The following PRUNE2 variants were observed in gnomAD, a reference collection of about 807,000 sequenced individuals.
PRUNE2 encodes the protein prune homolog 2 with BCH domain, also known as protein prune homolog 2.
A neutral mutation model predicts 252.0 loss-of-function variants in PRUNE2; 164 were observed. The observed-to-expected ratio is 0.65, with a 90% confidence interval of 0.57 to 0.74. The LOEUF (loss-of-function observed/expected upper bound fraction) is 0.74, where lower values mean the gene tolerates loss of function less well. Ranked by LOEUF, PRUNE2 falls within the 30% of genes least tolerant of loss-of-function variation. PRUNE2 has a pLI of 0.00. For synonymous variants in PRUNE2, 1,292 were observed against 1,350.2 expected (o/e 0.96, Z 0.94); for missense variants, 3,495 against 3,711.0 (o/e 0.94, Z 1.51).
Position 76,630,403 on chromosome 9 carries a change from A to G in PRUNE2, c.9051-1113T>C, listed in dbSNP as rs192072863. ...TTTAGAGATGTGTAAATGCACAGAG[A>G]ACAACTTGGAAGGATACCAATGAAA... On this transcript the variant is annotated intron_variant, in intron 15 of 18. Transcript: ENST00000376718. Among the ~76,000 whole-genome samples the G allele has an allele frequency of 1.2e-3, 185 of 152,292 alleles. 1 individual carries two copies. The highest frequency in any genetic ancestry group is 4.2e-3 in the African/African-American group (176 of 41,564).
At chr9:76,866,376 T>C (rs1222299347) in intron 1 of PRUNE2, among the ~76,000 whole-genome samples, 1 of 152,270 alleles carries the variant, frequency 6.6e-6, no homozygotes, top group Non-Finnish European at 1.5e-5. Flanking sequence ...TGATTTTACA[T>C]ACAGTGATTT....
intron 1 of PRUNE2, among the ~76,000 whole-genome samples, chr9:76,865,292 A>C (rs1437833007): frequency 6.6e-6 from 1 of 152,240 alleles, no homozygotes; most frequent in Non-Finnish European, 1.5e-5. Flanking sequence ...CAGGAGTTCG[A>C]GACCAGCCTG....
At chr9:76,694,159 CTGTTTTATT>C (rs1397100652) in intron 9 of PRUNE2, among the ~76,000 whole-genome samples, 2 of 151,958 alleles carry the variant, frequency 1.3e-5, no homozygotes, top group African/African-American at 4.8e-5. Flanking sequence ...GTAACTAATT[CTGTTTTATT>C]TGTTTTGTTT....
intron 1 of PRUNE2, among the ~76,000 whole-genome samples, chr9:76,865,955 C>A (rs1338911392): frequency 6.6e-6 from 1 of 152,100 alleles, no homozygotes; most frequent in East Asian, 1.9e-4. Context: ...TAAGTCATCA[C>A]ATATTTTCCT....
At chr9:76,664,764 C>T (rs368398337) in intron 9 of PRUNE2, among the ~76,000 whole-genome samples, 12 of 152,290 alleles carry the variant, frequency 7.9e-5, no homozygotes, top group African/African-American at 2.6e-4. Flanking sequence ...CCTCCCACTT[C>T]GGCCTCCCAA....
chr9:76,800,122 A>C (rs973744749), intron 6 of PRUNE2, among the ~76,000 whole-genome samples: 3 of 152,052 alleles, frequency 2.0e-5, no homozygotes, highest in Non-Finnish European at 4.4e-5. Flanking sequence ...ACACATGTAT[A>C]CATGTGCCAT....
chr9:76,674,601 G>T (rs1156492780), intron 9 of PRUNE2, among the ~76,000 whole-genome samples: 1 of 150,622 alleles, frequency 6.6e-6, no homozygotes, highest in South Asian at 2.1e-4. Context: ...AGCCCGCATC[G>T]CCAAGTCAAT....
Position 76,706,719 on chromosome 9 carries a change from C to T in PRUNE2, c.5555G>A (p.Ser1852Asn), listed in dbSNP as rs376543453. Reference protein sequence around the residue: ...SPFERELSDSSGVLEINSSVH... With the variant: ...SPFERELSDSNGVLEINSSVH... ...TGAAGAATTTATCTCCAACACACCACTGGAGTCAGACAGCTCCCTTTCAAA... is the reference window on the plus strand; with the variant it reads ...TGAAGAATTTATCTCCAACACACCATTGGAGTCAGACAGCTCCCTTTCAAA... Residue 1852 changes from serine (S) to asparagine (N), a missense_variant, in exon 8 of 19, where the codon AGT becomes AAT. Transcript: ENST00000376718. 8.1e-5 allele frequency: 131 copies of T among 1,613,262 alleles called. 1 individual carries two copies. The African/African-American group carries it at 8.9e-4, about 11-fold the overall frequency.
intron 9 of PRUNE2, among the ~76,000 whole-genome samples, chr9:76,673,922 T>A (rs1485846744): frequency 1.3e-5 from 2 of 152,030 alleles, no homozygotes; most frequent in Non-Finnish European, 2.9e-5. Context: ...ATAAGAGCTA[T>A]CTATGACAAA....
At chr9:76,792,949 T>A (rs534821562) in intron 6 of PRUNE2, among the ~76,000 whole-genome samples, 3 of 152,234 alleles carry the variant, frequency 2.0e-5, no homozygotes, top group Admixed American at 2.0e-4. Context: ...TTTTCTCTAA[T>A]GTCCTTGGTG....
In PRUNE2 at chr9:76,892,665, C is replaced by A. The variant is rs937341396; in HGVS notation, c.36+13263G>T. ...ATAAAAATTGGGGTTGCAAGATATA[C>A]AAATATCTTAAGTCCTGTGCACAAG... On this transcript the variant is annotated intron_variant, in intron 1 of 18. Coordinates refer to ENST00000376718, the MANE Select transcript of PRUNE2 (RefSeq NM_015225.3). Among the ~76,000 whole-genome samples the A allele has an allele frequency of 2.6e-5, 4 of 152,078 alleles. No individual in the cohort carries two copies. In the South Asian group the frequency reaches 8.3e-4, roughly 32 times the overall value.
At position 76,838,183 on chromosome 9, in the gene PRUNE2, T is replaced by C. The variant is rs950379669; in HGVS notation, c.508+8332A>G. 2.0e-5 allele frequency among the ~76,000 whole-genome samples: 3 copies of C among 151,658 alleles called. No homozygotes were observed. The East Asian group carries it at 5.8e-4, about 29-fold the overall frequency. On this transcript the variant is annotated intron_variant, in intron 4 of 18. Transcript: ENST00000376718. The stretch of plus-strand genomic sequence containing the variant: ...CCTTTTTTTTTCTCTTTTATTATAC[T>C]GCATGCATTTTTGTAAGCCTCCTCA...
intron 1 of PRUNE2, among the ~76,000 whole-genome samples, chr9:76,866,963 G>A (rs751796276): frequency 4.6e-5 from 7 of 152,136 alleles, no homozygotes; most frequent in Non-Finnish European, 8.8e-5. Flanking sequence ...TCATGTCTTC[G>A]GTTTCAATCT....
chr9:76,850,799 A>G, intron 2 of PRUNE2, 134 bp from the exon 3 acceptor site: 1 of 656,882 alleles, frequency 1.5e-6, no homozygotes, highest in Non-Finnish European at 2.6e-6. Flanking sequence ...TGGCATTCAT[A>G]ATCAAATTTT....
chr9:76,875,445 A>G (rs2061424634), intron 1 of PRUNE2, among the ~76,000 whole-genome samples: 1 of 152,092 alleles, frequency 6.6e-6, no homozygotes, highest in South Asian at 2.1e-4. Context: ...GGCTCACTGC[A>G]ACCTCCGCCT....
At chr9:76,769,929 T>A (rs1449468866) in intron 6 of PRUNE2, among the ~76,000 whole-genome samples, 1 of 152,186 alleles carries the variant, frequency 6.6e-6, no homozygotes, top group Non-Finnish European at 1.5e-5. Flanking sequence ...ATGTTTCAAA[T>A]AATTAAATTG....
chr9:76,638,130 T>C, intron 13 of PRUNE2, 56 bp downstream of exon 13: 1 of 1,059,576 alleles, frequency 9.4e-7, no homozygotes, highest in Non-Finnish European at 1.5e-6. Flanking sequence ...GTGCTCTATC[T>C]GCCATTACAT....
At chr9:76,696,713 G>A (rs969355439) in intron 9 of PRUNE2, among the ~76,000 whole-genome samples, 5 of 152,192 alleles carry the variant, frequency 3.3e-5, no homozygotes, top group African/African-American at 7.2e-5. Context: ...GGCATGAGGC[G>A]CCACGCCCAG....
chr9:76,759,859 C>T (rs2042612), intron 6 of PRUNE2: 105,710 of 152,250 alleles, frequency 0.69, 37,792 homozygotes, highest in African/African-American at 0.87. Context: ...GATGCTACCA[C>T]GGGGCCGGAG....
Sources: allele counts gnomAD v4.1 joint callset (sites outside exome capture counted in the v4.1 genomes callset), GRCh38; gene constraint gnomAD v4.1.1; transcripts MANE v1.5; gene names NCBI Gene and HGNC (gene_info 2026-07-23, HGNC 2026-07-21).